The following TBC1D2B variants were observed in gnomAD, a reference collection of about 807,000 sequenced individuals.
TBC1D2B encodes the protein TBC1 domain family member 2B.
In TBC1D2B, 64 loss-of-function variants were observed where a neutral mutation model predicts 100.8. The ratio of observed to expected loss-of-function variants is 0.64; its 90% confidence interval spans 0.52 to 0.78. TBC1D2B has a LOEUF of 0.78. Ranked by LOEUF, TBC1D2B falls within the 30% of genes least tolerant of loss-of-function variation. The pLI is 0.00. For synonymous variants in TBC1D2B, 480 were observed against 479.7 expected, an observed-to-expected ratio of 1.00 and a Z score of -0.01; for missense variants, 1,052 against 1,218.4, an observed-to-expected ratio of 0.86 and a Z score of 2.03.
intron 3 of TBC1D2B, among the ~76,000 whole-genome samples, chr15:78,042,464 C>G (rs1357072245): frequency 6.6e-6 from 1 of 152,142 alleles, no homozygotes; most frequent in Non-Finnish European, 1.5e-5. Context: ...AACCTTTTAA[C>G]ATGTGGAATG....
At chr15:78,026,098 A>C (rs1383178155) in intron 4 of TBC1D2B, among the ~76,000 whole-genome samples, 1 of 152,018 alleles carries the variant, frequency 6.6e-6, no homozygotes, top group African/African-American at 2.4e-5. Flanking sequence ...TATTTTTGCT[A>C]ATTTGTCCTT....
intron 7 of TBC1D2B, chr15:78,017,284 T>G (rs2072401018): frequency 6.5e-6 from 1 of 153,710 alleles, no homozygotes; most frequent in South Asian, 2.0e-4. Context: ...TACAGCTCAT[T>G]TGATGACAGC....
intron 7 of TBC1D2B, chr15:78,017,119 C>T (rs781133672): frequency 2.9e-5 from 5 of 171,390 alleles, no homozygotes; most frequent in South Asian, 1.7e-4. Flanking sequence ...TTTCTTAGGA[C>T]ACTGTGGTCC....
intron 6 of TBC1D2B, among the ~76,000 whole-genome samples, chr15:78,020,349 T>C (rs2072485755): frequency 6.6e-6 from 1 of 152,208 alleles, no homozygotes; most frequent in South Asian, 2.1e-4. Context: ...CCGCCATGTA[T>C]GTCTTTAACT....
intron 1 of TBC1D2B, among the ~76,000 whole-genome samples, chr15:78,068,677 C>G (rs2073700004): frequency 6.6e-6 from 1 of 152,176 alleles, no homozygotes; most frequent in African/African-American, 2.4e-5. Flanking sequence ...CCACAGTCTC[C>G]CCAGGGATCC....
chr15:78,065,792 C>T (rs1032411657), intron 1 of TBC1D2B, among the ~76,000 whole-genome samples: 2 of 152,056 alleles, frequency 1.3e-5, no homozygotes, highest in African/African-American at 4.8e-5. Flanking sequence ...TTTTAGGAAA[C>T]GGAGTTGGGA....
chr15:78,066,789 T>A (rs1361966349), intron 1 of TBC1D2B, among the ~76,000 whole-genome samples: 1 of 152,224 alleles, frequency 6.6e-6, no homozygotes, highest in Non-Finnish European at 1.5e-5. Context: ...GCCAACTGCC[T>A]GTTTTCCTTT....
intron 1 of TBC1D2B, among the ~76,000 whole-genome samples, 170 bp downstream of exon 1, chr15:78,077,123 T>C (rs898270395): frequency 1.3e-5 from 2 of 151,460 alleles, no homozygotes; most frequent in Non-Finnish European, 1.5e-5. Flanking sequence ...GCCCAGATAG[T>C]GGGGAGGAGA....
chr15:78,019,888 CAAA>C (rs75813219), intron 6 of TBC1D2B, among the ~76,000 whole-genome samples: 2 of 117,578 alleles, frequency 1.7e-5, no homozygotes, highest in African/African-American at 6.3e-5. Flanking sequence ...GACTCTGTAT[CAAA>C]AAAAAAAAAA....
At chr15:78,046,887 C>G (rs147050212) in intron 2 of TBC1D2B, among the ~76,000 whole-genome samples, 191 of 152,320 alleles carry the variant, frequency 1.3e-3, no homozygotes, top group African/African-American at 4.5e-3. Flanking sequence ...TCCTGTGCTG[C>G]GCAGGCTTGG....
chr15:78,054,765 G>C (rs548609040), intron 1 of TBC1D2B, among the ~76,000 whole-genome samples: 13 of 152,286 alleles, frequency 8.5e-5, no homozygotes, highest in Non-Finnish European at 1.5e-4. Context: ...AGCTACTTTA[G>C]AAAACAGTTT....
chr15:78,021,336 A>G (rs1226120322), intron 6 of TBC1D2B, among the ~76,000 whole-genome samples: 1 of 152,044 alleles, frequency 6.6e-6, no homozygotes, highest in Admixed American at 6.5e-5. Context: ...TTAAATATAT[A>G]TATTTTTCCA....
chr15:78,062,483 G>A (rs1193464239), intron 1 of TBC1D2B, among the ~76,000 whole-genome samples: 6 of 152,120 alleles, frequency 3.9e-5, no homozygotes, highest in Admixed American at 3.9e-4. Flanking sequence ...ACATATTTTA[G>A]ACTTATATTT....
At chr15:78,003,051 G>C in intron 11 of TBC1D2B, 1 of 365,844 alleles carries the variant, frequency 2.7e-6, no homozygotes, top group Non-Finnish European at 5.2e-6. Flanking sequence ...GTGAGGCTCA[G>C]GCTCAAACTG....
intron 9 of TBC1D2B, 55 bp from the exon 10 acceptor site, chr15:78,009,169 A>T (rs1452148346): frequency 7.9e-7 from 1 of 1,271,964 alleles, no homozygotes; most frequent in African/African-American, 1.5e-5. Flanking sequence ...CTGCTACTAC[A>T]GTCTCCACAG....
At chr15:78,070,257 C>G (rs1278448764) in intron 1 of TBC1D2B, among the ~76,000 whole-genome samples, 1 of 152,092 alleles carries the variant, frequency 6.6e-6, no homozygotes, top group Admixed American at 6.5e-5. Context: ...CCACCCCCAC[C>G]CCCGCTCCAG....
chr15:78,005,435 T>G (rs559175365), intron 10 of TBC1D2B, among the ~76,000 whole-genome samples: 1 of 152,196 alleles, frequency 6.6e-6, no homozygotes, highest in Non-Finnish European at 1.5e-5. Flanking sequence ...TTGACAGTGA[T>G]TGGCAAAGCC....
chr15:77,999,293 G>T (rs2071848261), intron 12 of TBC1D2B: 1 of 455,388 alleles, frequency 2.2e-6, no homozygotes, highest in Non-Finnish European at 4.4e-6. Context: ...CATCAGAGCA[G>T]GCCATTTGCT....
intron 3 of TBC1D2B, among the ~76,000 whole-genome samples, chr15:78,042,688 C>T (rs1299818867): frequency 1.3e-5 from 2 of 152,116 alleles, no homozygotes; most frequent in Non-Finnish European, 2.9e-5. Flanking sequence ...GGCAGACAGG[C>T]ACATGGTGAG....
Sources: gnomAD v4.1 joint callset for allele counts (sites outside exome capture counted in the v4.1 genomes callset) on GRCh38, gnomAD v4.1.1 for gene constraint, MANE v1.5 for transcripts, NCBI Gene and HGNC (gene_info 2026-07-23, HGNC 2026-07-21) for gene names.